KCNIP4: variants seen among roughly 807,000 people sequenced by gnomAD.
The protein encoded by KCNIP4 is potassium voltage-gated channel interacting protein 4, also known as Kv channel-interacting protein 4.
A neutral mutation model predicts 34.0 loss-of-function variants in KCNIP4; 12 were observed. The observed-to-expected ratio is 0.35, with a 90% confidence interval of 0.23 to 0.57. The LOEUF is 0.57. Among genes scored for constraint, KCNIP4 ranks in the 20% least tolerant of loss-of-function variants. The pLI is 0.83. For synonymous variants in KCNIP4, 124 were observed against 102.2 expected (o/e 1.21, Z -1.29); for missense variants, 238 against 311.7 (o/e 0.76, Z 1.78).
chr4:20,785,700 T>A (rs1711890042), intron 3 of KCNIP4, among the ~76,000 whole-genome samples: 1 of 151,996 alleles, frequency 6.6e-6, no homozygotes, highest in Non-Finnish European at 1.5e-5. Flanking sequence ...ATAAAGAAAA[T>A]CACAATAAAG....
At chr4:21,154,214 A>G (rs2109255872) in intron 1 of KCNIP4, among the ~76,000 whole-genome samples, 1 of 152,328 alleles carries the variant, frequency 6.6e-6, no homozygotes, top group African/African-American at 2.4e-5. Flanking sequence ...TAAGTGATAA[A>G]TGGTTTACAT....
At chr4:21,584,117 T>C (rs796537742) in intron 1 of KCNIP4, among the ~76,000 whole-genome samples, 3 of 152,142 alleles carry the variant, frequency 2.0e-5, no homozygotes, top group African/African-American at 7.2e-5. Context: ...ACCTTTGAGG[T>C]AGCCTGCCTT....
At chr4:21,629,852 T>TTTTTC (rs1252726150) in intron 1 of KCNIP4, among the ~76,000 whole-genome samples, 1 of 126,358 alleles carries the variant, frequency 7.9e-6, no homozygotes, top group East Asian at 2.4e-4. Context: ...TTTCTTTCTT[T>TTTTTC]TTTTTTTTTT....
intron 1 of KCNIP4, among the ~76,000 whole-genome samples, chr4:21,451,023 C>CA (rs369103608): frequency 1.3e-5 from 2 of 151,814 alleles, no homozygotes; most frequent in African/African-American, 4.8e-5. Context: ...AAACACAGAG[C>CA]AAAAACGACA....
chr4:21,499,757 TAC>T (rs1476272833), intron 1 of KCNIP4, among the ~76,000 whole-genome samples: 1 of 152,128 alleles, frequency 6.6e-6, no homozygotes, highest in Non-Finnish European at 1.5e-5. Context: ...AACCAACAAT[TAC>T]ACAGTCACTT....
At chr4:20,914,750 T>C (rs966472233) in intron 1 of KCNIP4, among the ~76,000 whole-genome samples, 1 of 152,166 alleles carries the variant, frequency 6.6e-6, no homozygotes, top group Non-Finnish European at 1.5e-5. Context: ...GGTAATGATA[T>C]CTTTGGCCAA....
At chr4:21,386,674 T>C (rs1055318463) in intron 1 of KCNIP4, among the ~76,000 whole-genome samples, 1 of 152,164 alleles carries the variant, frequency 6.6e-6, no homozygotes, top group African/African-American at 2.4e-5. Context: ...TATAAACAGA[T>C]AACTAAGGAA....
chr4:21,948,511 T>G, intron 1 of KCNIP4, 60 bp downstream of exon 1: 1 of 1,567,282 alleles, frequency 6.4e-7, no homozygotes, highest in Non-Finnish European at 8.7e-7. Context: ...GCAGCCGTCT[T>G]GGCTCGCGAG....
intron 1 of KCNIP4, among the ~76,000 whole-genome samples, chr4:21,931,433 A>C (rs1729559103): frequency 2.3e-5 from 2 of 88,750 alleles, no homozygotes; most frequent in African/African-American, 4.7e-5. Flanking sequence ...CCCACCCCAC[A>C]ACAGGCCCTG....
chr4:21,936,181 T>G (rs951966722), intron 1 of KCNIP4, among the ~76,000 whole-genome samples: 3 of 152,062 alleles, frequency 2.0e-5, no homozygotes, highest in Non-Finnish European at 4.4e-5. Flanking sequence ...CCAAACCTCA[T>G]CTTGAATTGT....
At chr4:21,480,567 A>G (rs774181585) in intron 1 of KCNIP4, among the ~76,000 whole-genome samples, 2 of 152,172 alleles carry the variant, frequency 1.3e-5, no homozygotes, top group East Asian at 3.8e-4. Context: ...ATTTAGAAAC[A>G]ATGAGACAGT....
chr4:21,108,087 G>A (rs1273888955), intron 1 of KCNIP4, among the ~76,000 whole-genome samples: 3 of 151,286 alleles, frequency 2.0e-5, no homozygotes, highest in Non-Finnish European at 1.5e-5. Context: ...TCTTGGAGTT[G>A]CTCTTCTTGA....
intron 1 of KCNIP4, among the ~76,000 whole-genome samples, chr4:21,080,465 G>A (rs1342554243): frequency 6.6e-6 from 1 of 151,304 alleles, no homozygotes; most frequent in Non-Finnish European, 1.5e-5. Flanking sequence ...AATTTATAGA[G>A]TACTTTACCT....
chr4:20,925,153 T>C (rs1048417319), intron 1 of KCNIP4, among the ~76,000 whole-genome samples: 1 of 152,144 alleles, frequency 6.6e-6, no homozygotes, highest in African/African-American at 2.4e-5. Context: ...GTTACCTGTG[T>C]TGGGAGTCCC....
At chr4:20,805,186 CTTTT>C (rs10552321) in intron 3 of KCNIP4, among the ~76,000 whole-genome samples, 37,524 of 94,236 alleles carry the variant, frequency 0.4, 6,903 homozygotes, top group Admixed American at 0.53. Flanking sequence ...TAGATGCTTC[CTTTT>C]TTTTTTTTTT....
At chr4:21,803,764 G>T (rs1309647896) in intron 1 of KCNIP4, among the ~76,000 whole-genome samples, 1 of 152,074 alleles carries the variant, frequency 6.6e-6, no homozygotes, top group East Asian at 1.9e-4. Flanking sequence ...GGCAATTCCT[G>T]TCTCCAGAGC....
At chr4:21,569,234 T>TTAAAAAAAAA (rs1740162055) in intron 1 of KCNIP4, among the ~76,000 whole-genome samples, 1 of 25,176 alleles carries the variant, frequency 4.0e-5, no homozygotes, top group Admixed American at 8.9e-4. Context: ...ACTGATATTC[T>TTAAAAAAAAA]AAAAAAAAAA....
intron 1 of KCNIP4, among the ~76,000 whole-genome samples, chr4:21,394,933 G>A (rs1577294292): frequency 6.6e-6 from 1 of 151,170 alleles, no homozygotes; most frequent in South Asian, 2.1e-4. Context: ...CATTGACTGG[G>A]CTCACAAAGC....
chr4:20,775,058 T>A (rs1263643749), intron 3 of KCNIP4, among the ~76,000 whole-genome samples: 3 of 152,208 alleles, frequency 2.0e-5, no homozygotes, highest in African/African-American at 7.2e-5. Context: ...TATTATTTAT[T>A]CAATACGTAA....
Sources: allele counts gnomAD v4.1 joint callset (sites outside exome capture counted in the v4.1 genomes callset), GRCh38; gene constraint gnomAD v4.1.1; transcripts MANE v1.5; gene names NCBI Gene and HGNC (gene_info 2026-07-23, HGNC 2026-07-21).